Variants in FBXO11 observed in about 807,000 individuals in gnomAD.
FBXO11 encodes F-box protein 11.
In FBXO11, 13 loss-of-function variants were observed where a neutral mutation model predicts 117.0. That is an observed-to-expected ratio of 0.11 (90% CI 0.07 to 0.18). The LOEUF is 0.18. Among genes scored for constraint, FBXO11 ranks in the 10% least tolerant of loss-of-function variants. The pLI is 1.00. For synonymous variants in FBXO11, 490 were observed against 380.5 expected (o/e 1.29, Z -3.35); for missense variants, 767 against 1,164.4 (o/e 0.66, Z 4.97).
At chr2:47,847,158 T>C (rs1037362203) in intron 1 of FBXO11, among the ~76,000 whole-genome samples, 10 of 151,776 alleles carry the variant, frequency 6.6e-5, no homozygotes, top group Admixed American at 2.6e-4. Context: ...GCCAGGAGAA[T>C]TGCTTGAACC....
chr2:47,819,927 A>G (rs901924368), intron 14 of FBXO11, among the ~76,000 whole-genome samples: 1 of 152,332 alleles, frequency 6.6e-6, no homozygotes. Context: ...CGATTAATAC[A>G]CAGGTTTCAA....
intron 1 of FBXO11, among the ~76,000 whole-genome samples, chr2:47,875,254 T>C (rs1675913689): frequency 2.0e-5 from 3 of 152,218 alleles, no homozygotes. Context: ...TTTTAAATTT[T>C]ATTAATTTTA....
At chr2:47,872,314 T>TTGTATA (rs1675682387) in intron 1 of FBXO11, among the ~76,000 whole-genome samples, 1 of 152,204 alleles carries the variant, frequency 6.6e-6, no homozygotes, top group Admixed American at 6.5e-5. Context: ...AAGTCAAAAC[T>TTGTATA]ATTTTCATTA....
At chr2:47,892,673 A>G (rs779108599) in intron 1 of FBXO11, among the ~76,000 whole-genome samples, 5 of 152,352 alleles carry the variant, frequency 3.3e-5, no homozygotes, top group African/African-American at 1.2e-4. Flanking sequence ...TATCTCTGCA[A>G]TTGAGGTGCT....
chr2:47,829,033 T>C (rs1013244874), intron 11 of FBXO11, among the ~76,000 whole-genome samples: 4 of 150,844 alleles, frequency 2.7e-5, no homozygotes, highest in Admixed American at 6.6e-5. Flanking sequence ...GTGATTCTCA[T>C]GCCTCAACCT....
intron 1 of FBXO11, among the ~76,000 whole-genome samples, chr2:47,852,623 T>C (rs187967600): frequency 9.8e-4 from 150 of 152,340 alleles, no homozygotes; most frequent in African/African-American, 3.3e-3. Flanking sequence ...GTAATTTGGG[T>C]GTCTTTTAAA....
intron 1 of FBXO11, among the ~76,000 whole-genome samples, chr2:47,841,680 C>T (rs980525929): frequency 3.9e-5 from 6 of 152,112 alleles, no homozygotes; most frequent in South Asian, 2.1e-4. Flanking sequence ...CTCGCTGTGT[C>T]GCCAGGCTGG....
chr2:47,866,478 T>G (rs1036653691), intron 1 of FBXO11, among the ~76,000 whole-genome samples: 4 of 152,010 alleles, frequency 2.6e-5, no homozygotes, highest in East Asian at 1.9e-4. Flanking sequence ...AAGTTTGTTT[T>G]TTTTTTTTTC....
At chr2:47,900,792 A>ATATACATACACGTATACACACACGTG in intron 1 of FBXO11, among the ~76,000 whole-genome samples, 1 of 87,142 alleles carries the variant, frequency 1.1e-5, no homozygotes, top group African/African-American at 4.2e-5. Context: ...ACACACGTGT[A>ATATACATACACGTATACACACACGTG]TATATATACA....
At chr2:47,820,816 TTA>T (rs1427524735) in intron 13 of FBXO11, among the ~76,000 whole-genome samples, 16 of 152,192 alleles carry the variant, frequency 1.1e-4, no homozygotes, top group Admixed American at 2.6e-4. Context: ...GATGTGAGTA[TTA>T]TATGACTTAA....
At chr2:47,818,932 T>G in intron 15 of FBXO11, 24 bp downstream of exon 15, 8 of 1,598,582 alleles carry the variant, frequency 5.0e-6, no homozygotes, top group Non-Finnish European at 6.8e-6. Flanking sequence ...GTATTTCCCA[T>G]CCAAGAGTCC....
rs141756242 is a variant in FBXO11 at position 47,832,400 on chromosome 2, A to G, written c.1347T>C (p.Asn449=). Residue 449 remains asparagine, a synonymous_variant, in exon 11 of 23, where the codon AAT becomes AAC. Coordinates refer to ENST00000403359, the MANE Select transcript of FBXO11 (RefSeq NM_001190274.2). ...CAACATCACGTCCATGATGAATATG[A>G]TTCCGTCTAATAATTGGGTTTCCAT... The part of the protein sequence containing the change: ...KNHGNPIIRR[N]HIHHGRDVGV... 1.8e-3 allele frequency: 2,937 copies of G among 1,613,638 alleles called. 7 individuals carry two copies. Among genetic ancestry groups the G allele is most frequent in the Non-Finnish European group, 2.1e-3 (2,435 of 1,179,712 alleles).
At chr2:47,865,394 G>A (rs1019392703) in intron 1 of FBXO11, among the ~76,000 whole-genome samples, 1 of 152,230 alleles carries the variant, frequency 6.6e-6, no homozygotes, top group African/African-American at 2.4e-5. Flanking sequence ...AAGAAAGAAA[G>A]AAGGCCCTTC....
intron 1 of FBXO11, among the ~76,000 whole-genome samples, chr2:47,859,125 T>G (rs1674554627): frequency 6.6e-6 from 1 of 151,998 alleles, no homozygotes; most frequent in South Asian, 2.1e-4. Flanking sequence ...AACATTTACT[T>G]CAACTCTTAA....
At chr2:47,877,535 T>C (rs1676097214) in intron 1 of FBXO11, among the ~76,000 whole-genome samples, 1 of 152,198 alleles carries the variant, frequency 6.6e-6, no homozygotes, top group Non-Finnish European at 1.5e-5. Context: ...TAGTTTTTCT[T>C]CTGTATTTTC....
chr2:47,813,077 C>T, intron 18 of FBXO11, 157 bp downstream of exon 18: 1 of 767,110 alleles, frequency 1.3e-6, no homozygotes, highest in African/African-American at 1.7e-5. Context: ...TGTCTCTTAA[C>T]TCTAGGCACT....
chr2:47,842,610 T>C lies in FBXO11; in HGVS notation c.233-2841A>G, dbSNP rs1234943268. ...TTTTCTCATCTATTAAAGATAAGAG[T>C]ATGTTATAATTGAAAGCTGCTAAAA... is the stretch of plus-strand genomic sequence containing the variant. On this transcript the variant is annotated intron_variant, in intron 1 of 22. Transcript: ENST00000403359. 5.3e-5 allele frequency among the ~76,000 whole-genome samples: 8 copies of C among 151,958 alleles called. No individual in the cohort carries two copies. In the East Asian group the frequency reaches 1.4e-3, roughly 26 times the overall value.
chr2:47,861,340 A>C (rs1210463213), intron 1 of FBXO11, among the ~76,000 whole-genome samples: 1 of 135,742 alleles, frequency 7.4e-6, no homozygotes, highest in Non-Finnish European at 1.6e-5. Context: ...TTTTTTTGAG[A>C]CAAGATCTTG....
In FBXO11 at chr2:47,879,179, C is replaced by A. The variant is rs150050229; in HGVS notation, c.232+26310G>T. On this transcript the variant is annotated intron_variant, in intron 1 of 22. Coordinates refer to ENST00000403359, the MANE Select transcript of FBXO11 (RefSeq NM_001190274.2). Reference sequence around the variant, plus strand: ...CCATTATATGGTTTTTCCATAATTTCTTTGACTAATCCCCTACTGATGGAC... The same window carrying A: ...CCATTATATGGTTTTTCCATAATTTATTTGACTAATCCCCTACTGATGGAC... Among the ~76,000 whole-genome samples the A allele has an allele frequency of 4.3e-4, 65 of 152,222 alleles. No individual in the cohort carries two copies. In the East Asian group the frequency reaches 6.0e-3, roughly 14 times the overall value.
Sources: gnomAD v4.1 joint callset for allele counts (sites outside exome capture counted in the v4.1 genomes callset) on GRCh38, gnomAD v4.1.1 for gene constraint, MANE v1.5 for transcripts, NCBI Gene and HGNC (gene_info 2026-07-23, HGNC 2026-07-21) for gene names.